HEPHL1: variants seen among roughly 807,000 people sequenced by gnomAD.
HEPHL1 encodes ferroxidase HEPHL1.
A neutral mutation model predicts 122.0 loss-of-function variants in HEPHL1; 123 were observed. The ratio of observed to expected loss-of-function variants is 1.01; its 90% CI spans 0.87 to 1.17. The LOEUF is 1.17. Ranked by LOEUF, HEPHL1 falls within the 50% of genes most tolerant of loss-of-function variation. The pLI is 0.00. For synonymous variants in HEPHL1, 527 were observed against 508.9 expected (o/e 1.04, Z -0.48); for missense variants, 1,452 against 1,430.5 (o/e 1.01, Z -0.24).
At chr11:94,092,499 T>TA (rs1946270596) in intron 12 of HEPHL1, among the ~76,000 whole-genome samples, 1 of 152,226 alleles carries the variant, frequency 6.6e-6, no homozygotes, top group African/African-American at 2.4e-5. Flanking sequence ...TCAGCTCTCA[T>TA]ACTGTAAACA....
rs1417893352 is a variant in HEPHL1 at position 94,094,052 on chromosome 11, G to A, written c.2434+412G>A. The stretch of plus-strand genomic sequence containing the variant: ...CTAGGGTACATGTGCACCACCTGCA[G>A]GTTTGTTACATATGTATACATGTGC... On this transcript the variant is annotated intron_variant, in intron 13 of 19. Coordinates refer to ENST00000315765, the MANE Select transcript of HEPHL1 (RefSeq NM_001098672.2). Among the ~76,000 whole-genome samples, 5 of 137,178 alleles carry A rather than the reference G, an allele frequency of 3.6e-5. No individual in the cohort carries two copies. The East Asian group carries it at 8.9e-4, about 24-fold the overall frequency. 90.0% of individuals were successfully genotyped at this position (137,178 alleles called of 152,430 possible).
chr11:94,045,765 C>T lies in HEPHL1; in HGVS notation c.263C>T (p.Ser88Phe). 6.2e-7 allele frequency: 1 copy of T among 1,613,932 alleles called. No homozygotes were observed. Among genetic ancestry groups the T allele is most frequent in the African/African-American group, 1.3e-5 (1 of 75,058 alleles). ...VYRRFTDGTY[S>F]IEIPKPPWLG... is the part of the protein sequence containing the mutation. Reference sequence around the variant, plus strand: ...AGACGCTTCACGGATGGAACCTACTCCATAGAGATCCCCAAACCTCCCTGG... The same window carrying T: ...AGACGCTTCACGGATGGAACCTACTTCATAGAGATCCCCAAACCTCCCTGG... The change falls in exon 2 of 20, where the codon TCC (serine) becomes TTC (phenylalanine). Residue 88 changes from serine to phenylalanine, a missense_variant. By Grantham distance (155) the Ser-to-Phe change is radical (BLOSUM62 -2). Transcript: ENST00000315765.
At chr11:94,060,529 T>G (rs911479725) in intron 2 of HEPHL1, among the ~76,000 whole-genome samples, 1 of 152,120 alleles carries the variant, frequency 6.6e-6, no homozygotes, top group African/African-American at 2.4e-5. Context: ...GCATTTATGA[T>G]TATCACCACC....
rs371190382 is a variant in HEPHL1 at position 94,067,728 on chromosome 11, C to A, written c.1041C>A (p.Cys347Ter). 1.4e-5 allele frequency: 22 copies of A among 1,613,294 alleles called. No individual in the cohort carries two copies. Among genetic ancestry groups the A allele is most frequent in the Non-Finnish European group, 1.8e-5 (21 of 1,179,640 alleles). Residue 347 changes from cysteine to a stop codon, truncating the protein, a stop_gained, in exon 5 of 20, where the codon TGC becomes TGA. Coordinates refer to ENST00000315765, the MANE Select transcript of HEPHL1 (RefSeq NM_001098672.2). LOFTEE classifies it high-confidence loss of function. Reference protein sequence around the residue: ...AENPGKWMITCQVSDHLQAGM... With the variant: ...AENPGKWMIT The stretch of plus-strand genomic sequence containing the variant: ...ATCCTGGGAAGTGGATGATAACCTG[C>A]CAGGTCAGCGACCACCTACAAGGTA...
intron 10 of HEPHL1, among the ~76,000 whole-genome samples, chr11:94,083,586 G>A (rs1016492516): frequency 2.0e-5 from 3 of 152,168 alleles, no homozygotes; most frequent in Non-Finnish European, 4.4e-5. Flanking sequence ...TCTATTTATT[G>A]CCTTTTAAAG....
chr11:94,100,763 T>G (rs1274782773), intron 13 of HEPHL1, among the ~76,000 whole-genome samples: 1 of 152,226 alleles, frequency 6.6e-6, no homozygotes, highest in Non-Finnish European at 1.5e-5. Flanking sequence ...CCATATCATG[T>G]GGATATGGCT....
chr11:94,097,030 C>G (rs1030251796), intron 13 of HEPHL1, among the ~76,000 whole-genome samples: 3 of 152,170 alleles, frequency 2.0e-5, no homozygotes, highest in African/African-American at 4.8e-5. Context: ...CAGTTCTGCT[C>G]TGATCTTAGT....
chr11:94,080,752 C>T (rs566638163), intron 9 of HEPHL1, among the ~76,000 whole-genome samples: 2 of 152,284 alleles, frequency 1.3e-5, no homozygotes, highest in South Asian at 2.1e-4. Context: ...TACCATCTCA[C>T]GCTATTCAGA....
At chr11:94,061,628 A>G (rs182796821) in intron 2 of HEPHL1, among the ~76,000 whole-genome samples, 353 of 152,312 alleles carry the variant, frequency 2.3e-3, no homozygotes, top group African/African-American at 8.2e-3. Flanking sequence ...ATCACGTTAG[A>G]TAAGTATCAA....
intron 1 of HEPHL1, among the ~76,000 whole-genome samples, chr11:94,038,029 G>T (rs996056326): frequency 1.4e-4 from 20 of 147,220 alleles, no homozygotes; most frequent in Admixed American, 1.3e-4. Context: ...GCTTAAAGGA[G>T]CTGATGGAGC....
chr11:94,054,941 CAGGT>C (rs1351038427), intron 2 of HEPHL1: 1 of 152,316 alleles, frequency 6.6e-6, no homozygotes, highest in Non-Finnish European at 1.5e-5. Context: ...AGTGATTTCT[CAGGT>C]AGGAGCAGAA....
intron 18 of HEPHL1, 112 bp downstream of exon 18, chr11:94,111,177 G>C: frequency 1.2e-6 from 1 of 804,178 alleles, no homozygotes; most frequent in Non-Finnish European, 2.0e-6. Context: ...TCAGAGTCAA[G>C]TAAGAGAGAC....
In HEPHL1 at chr11:94,093,993, T is replaced by C. The variant is rs1174098636; in HGVS notation, c.2434+353T>C. Among the ~76,000 whole-genome samples the C allele has an allele frequency of 6.8e-5, 6 of 88,506 alleles. 1 individual carries two copies. The highest frequency in any genetic ancestry group is 1.3e-4 in the Non-Finnish European group (6 of 46,738). 58.1% of individuals were successfully genotyped at this position (88,506 alleles called of 152,430 possible). On this transcript the variant is annotated intron_variant, in intron 13 of 19. Coordinates refer to ENST00000315765, the MANE Select transcript of HEPHL1 (RefSeq NM_001098672.2). The stretch of plus-strand genomic sequence containing the variant: ...GCAGATATATATATATATATATATA[T>C]ATATATATATATATATATATAAAAC...
At chr11:94,090,527 T>G (rs1946257077) in intron 12 of HEPHL1, among the ~76,000 whole-genome samples, 1 of 152,000 alleles carries the variant, frequency 6.6e-6, no homozygotes, top group Non-Finnish European at 1.5e-5. Context: ...GGGAAGGGGG[T>G]GCAATGCCAT....
intron 14 of HEPHL1, among the ~76,000 whole-genome samples, chr11:94,102,430 GA>G (rs1272466112): frequency 6.6e-6 from 1 of 152,100 alleles, no homozygotes; most frequent in African/African-American, 2.4e-5. Context: ...CTGCCCACTT[GA>G]GAAGCTTTTA....
intron 14 of HEPHL1, among the ~76,000 whole-genome samples, chr11:94,102,616 T>A (rs1197807685): frequency 2.0e-5 from 3 of 152,090 alleles, no homozygotes; most frequent in Non-Finnish European, 4.4e-5. Context: ...AGATAAAACA[T>A]TTAAGGAGGA....
chr11:94,033,993 C>A (rs570580565), intron 1 of HEPHL1, among the ~76,000 whole-genome samples: 4 of 152,176 alleles, frequency 2.6e-5, no homozygotes, highest in South Asian at 4.2e-4. Context: ...TGAGGAAGAC[C>A]ACTGAGGCCC....
Position 94,088,800 on chromosome 11 carries a change from G to A in HEPHL1, c.2126G>A (p.Gly709Asp), listed in dbSNP as rs1233174165. The A allele has an allele frequency of 1.2e-6, 2 of 1,613,980 alleles. No individual in the cohort carries two copies. Among genetic ancestry groups the A allele is most frequent in the Non-Finnish European group, 1.7e-6 (2 of 1,179,876 alleles). Residue 709 changes from glycine (G) to aspartate (D), a missense_variant, in exon 12 of 20, where the codon GGC (glycine) becomes GAC (aspartate). Gly to Asp is a moderately conservative substitution (Grantham distance 94). Transcript: ENST00000315765. ...GCCACCATGCCCCACCTCTCGAGAG[G>A]CATGGGTCAGATCTATGAGGTCAGC... ...FCATMPHLSR[G>D]MGQIYEVSSC... is the part of the protein sequence containing the mutation.
chr11:94,068,542 A>C (rs1276345534), intron 5 of HEPHL1, among the ~76,000 whole-genome samples: 1 of 152,172 alleles, frequency 6.6e-6, no homozygotes, highest in Non-Finnish European at 1.5e-5. Context: ...TAGCTGGACC[A>C]TAATGTTCCT....
Sources: gnomAD v4.1 joint callset for allele counts (sites outside exome capture counted in the v4.1 genomes callset) on GRCh38, gnomAD v4.1.1 for gene constraint, MANE v1.5 for transcripts, NCBI Gene and HGNC (gene_info 2026-07-23, HGNC 2026-07-21) for gene names.